The following DAD1 variants were observed in gnomAD, a reference collection of about 807,000 sequenced individuals.
The protein encoded by DAD1 is defender against cell death 1.
Under a neutral mutation model 9.0 loss-of-function variants are expected in DAD1, and 4 were observed. That is an observed-to-expected ratio of 0.44 (90% confidence interval 0.22 to 1.01). DAD1 has a LOEUF of 1.01. Among genes scored for constraint, DAD1 ranks in the 50% least tolerant of loss-of-function variants. DAD1 has a pLI of 0.24. For synonymous variants in DAD1, 60 were observed against 62.5 expected, an observed-to-expected ratio of 0.96 and a Z score of 0.19; for missense variants, 119 against 137.3, an observed-to-expected ratio of 0.87 and a Z score of 0.67.
chr14:22,571,444 C>T (rs2037039331), intron 2 of DAD1, among the ~76,000 whole-genome samples: 1 of 151,880 alleles, frequency 6.6e-6, no homozygotes, highest in South Asian at 2.1e-4. Flanking sequence ...AAAAATATGC[C>T]GCCACCTACA....
chr14:22,568,865 T>C (rs1011960336), intron 2 of DAD1, among the ~76,000 whole-genome samples: 1 of 152,038 alleles, frequency 6.6e-6, no homozygotes, highest in African/African-American at 2.4e-5. Context: ...GCCCCTCTAA[T>C]TCTTTTGATT....
chr14:22,568,908 A>C (rs897493199), intron 2 of DAD1, among the ~76,000 whole-genome samples: 4 of 152,034 alleles, frequency 2.6e-5, no homozygotes, highest in Non-Finnish European at 5.9e-5. Context: ...TATATCACCC[A>C]TGCTGGTCTC....
intron 2 of DAD1, among the ~76,000 whole-genome samples, chr14:22,571,804 CT>C (rs1301913405): frequency 6.6e-6 from 1 of 151,618 alleles, no homozygotes; most frequent in Non-Finnish European, 1.5e-5. Flanking sequence ...TAATTTTTGT[CT>C]TTTTAGTAGA....
chr14:22,577,047 C>T (rs1032588736), intron 1 of DAD1, among the ~76,000 whole-genome samples: 2 of 152,188 alleles, frequency 1.3e-5, no homozygotes. Context: ...GTGTGAAAAA[C>T]AGTACTGCGT....
In DAD1 at chr14:22,565,044, C is replaced by G. The variant is rs935334987; in HGVS notation, c.*138G>C. On this transcript the variant is annotated 3_prime_UTR_variant, in exon 3 of 3. Transcript: ENST00000250498. ...CTGGGCTTTTCTCCTGCATAAAAAG[C>G]AGAGCTAGCAGTAAGTGCAAATCTG... 26 of 692,752 alleles carry G rather than the reference C, an allele frequency of 3.8e-5. No homozygotes were observed. In the African/African-American group the frequency reaches 4.1e-4, roughly 11 times the overall value. The allele number at this position is 692,752 out of a possible 1,614,324, so 42.9% of individuals were successfully genotyped here. A position where few individuals can be genotyped will look rare whatever the true frequency, so the allele number is the denominator to read the frequency against.
chr14:22,585,842 A>C (rs1399564747), intron 1 of DAD1, among the ~76,000 whole-genome samples: 2 of 152,208 alleles, frequency 1.3e-5, no homozygotes, highest in African/African-American at 4.8e-5. Context: ...AATAGAGAAG[A>C]TTAAAGAACA....
At chr14:22,573,571 G>A (rs550266986) in intron 2 of DAD1, among the ~76,000 whole-genome samples, 15 of 151,904 alleles carry the variant, frequency 9.9e-5, no homozygotes, top group African/African-American at 1.2e-4. Context: ...TTAGCCGGGC[G>A]TGGTGGCGGG....
chr14:22,576,316 A>AC (rs1345532150), intron 1 of DAD1, among the ~76,000 whole-genome samples: 1 of 152,230 alleles, frequency 6.6e-6, no homozygotes, highest in Non-Finnish European at 1.5e-5. Context: ...CTCGTATACA[A>AC]AATCAAATGA....
In DAD1 at chr14:22,575,076, C is replaced by T. The variant is rs1483402850; in HGVS notation, c.*27G>A. On this transcript the variant is annotated 3_prime_UTR_variant, in exon 2 of 3. Coordinates refer to ENST00000250498, the MANE Select transcript of DAD1 (RefSeq NM_001344.4). The stretch of plus-strand genomic sequence containing the variant: ...TCACTTACATTCTTTTAGTCTCCTA[C>T]TCCTCAATTAAGTAAATGAGAATGA... 6.2e-7 allele frequency: 1 copy of T among 1,611,122 alleles called. No homozygotes were observed. Among genetic ancestry groups the T allele is most frequent in the Admixed American group, 1.7e-5 (1 of 59,802 alleles).
intron 1 of DAD1, among the ~76,000 whole-genome samples, chr14:22,587,483 G>A (rs1056048134): frequency 6.6e-6 from 1 of 152,118 alleles, no homozygotes; most frequent in Non-Finnish European, 1.5e-5. Context: ...TAGTGTATCT[G>A]GTCGGATGAT....
intron 1 of DAD1, among the ~76,000 whole-genome samples, chr14:22,577,563 C>G (rs1181344439): frequency 6.6e-6 from 1 of 152,120 alleles, no homozygotes; most frequent in Non-Finnish European, 1.5e-5. Context: ...AACGGATAAG[C>G]AAAGTGTGAT....
intron 1 of DAD1, among the ~76,000 whole-genome samples, chr14:22,585,934 T>C (rs115229827): frequency 0.015 from 2,267 of 152,264 alleles, 48 homozygotes; most frequent in African/African-American, 0.05. Flanking sequence ...GTGCCGGGTG[T>C]GGTGGCTCAC....
At chr14:22,574,818 G>C (rs759161649) in intron 2 of DAD1, among the ~76,000 whole-genome samples, 1 of 152,186 alleles carries the variant, frequency 6.6e-6, no homozygotes, top group African/African-American at 2.4e-5. Flanking sequence ...TATTGTACTA[G>C]CTACAAACAT....
intron 1 of DAD1, among the ~76,000 whole-genome samples, chr14:22,581,274 T>C (rs894427610): frequency 6.6e-6 from 1 of 151,792 alleles, no homozygotes; most frequent in African/African-American, 2.4e-5. Flanking sequence ...ATGAAGAAAA[T>C]AAAACAGGAT....
At position 22,575,361 on chromosome 14, in the gene DAD1, A is replaced by G. The variant is rs5742794; in HGVS notation, c.212-128T>C. On this transcript the variant is annotated intron_variant, in intron 1 of 2. Coordinates refer to ENST00000250498, the MANE Select transcript of DAD1 (RefSeq NM_001344.4). ...AGAAATGAATGCATATATACATCAA[A>G]GGGCATACACAGAAATGATACCCAG... 53,333 of 1,028,132 alleles carry G rather than the reference A, an allele frequency of 0.052. 2,515 individuals carry two copies. Among genetic ancestry groups the G allele is most frequent in the African/African-American group, 0.22 (13,811 of 61,888 alleles). The allele number at this position is 1,028,132 out of a possible 1,614,324, so 63.7% of individuals were successfully genotyped here. A position where few individuals can be genotyped will look rare whatever the true frequency, so the allele number is the denominator to read the frequency against.
chr14:22,583,174 C>T (rs916496545), intron 1 of DAD1, among the ~76,000 whole-genome samples: 34 of 151,928 alleles, frequency 2.2e-4, no homozygotes, highest in Admixed American at 5.2e-4. Context: ...ATTTGGAATT[C>T]GGGGGACAGT....
intron 2 of DAD1, among the ~76,000 whole-genome samples, chr14:22,565,359 C>T (rs1004325067): frequency 2.6e-5 from 4 of 152,234 alleles, no homozygotes; most frequent in East Asian, 3.8e-4. Flanking sequence ...ATTTCAAGCA[C>T]ATCAAAGCAA....
chr14:22,571,626 T>G (rs1185199926), intron 2 of DAD1, among the ~76,000 whole-genome samples: 1 of 25,622 alleles, frequency 3.9e-5, no homozygotes, highest in South Asian at 7.7e-4. Flanking sequence ...CAAGGGGCTC[T>G]TTTTTTTTTT....
intron 2 of DAD1, among the ~76,000 whole-genome samples, chr14:22,570,267 A>T (rs1167816012): frequency 6.6e-6 from 1 of 152,206 alleles, no homozygotes; most frequent in Non-Finnish European, 1.5e-5. Flanking sequence ...GGTGAAAAAA[A>T]GAAATCAAAC....
Sources: gnomAD v4.1 joint callset for allele counts (sites outside exome capture counted in the v4.1 genomes callset) on GRCh38, gnomAD v4.1.1 for gene constraint, MANE v1.5 for transcripts, NCBI Gene and HGNC (gene_info 2026-07-23, HGNC 2026-07-21) for gene names.